BCKDHB: variants seen among roughly 807,000 people sequenced by gnomAD.
BCKDHB encodes 2-oxoisovalerate dehydrogenase subunit beta, mitochondrial.
A neutral mutation model predicts 48.5 loss-of-function variants in BCKDHB; 41 were observed. The ratio of observed to expected loss-of-function variants is 0.85; its 90% CI spans 0.66 to 1.10. BCKDHB has a LOEUF of 1.10. Ranked by LOEUF, BCKDHB falls within the 50% of genes least tolerant of loss-of-function variation. The probability of loss-of-function intolerance (pLI) is 0.00; values close to 1 mark genes in which losing one functional copy is unlikely to be tolerated. For missense variants in BCKDHB, 496 were observed against 494.2 expected (o/e 1.00, Z -0.03); for synonymous variants, 201 against 174.8 (o/e 1.15, Z -1.18).
In BCKDHB at chr6:80,168,866, G is replaced by T; in HGVS notation, c.478-9G>T. On this transcript the variant is annotated splice_polypyrimidine_tract_variant and intron_variant, in intron 4 of 9. Coordinates refer to ENST00000320393, the MANE Select transcript of BCKDHB (RefSeq NM_183050.4). The stretch of plus-strand genomic sequence containing the variant: ...TGTGCCATGCCCCGTCTTTCTTTCT[G>T]ACCCTCAGATTGTTAATGAAGCTGC... The T allele has an allele frequency of 6.2e-7, 1 of 1,613,914 alleles. No homozygotes were observed. The highest frequency in any genetic ancestry group is 1.1e-5 in the South Asian group (1 of 91,052).
At chr6:80,432,000 T>C in the BCKDHB span, among the ~76,000 whole-genome samples, 1 of 151,808 alleles carries the variant, frequency 6.6e-6, no homozygotes, top group Non-Finnish European at 1.5e-5. Flanking sequence ...TTATATTCTT[T>C]AAGAATGTTG....
At chr6:80,214,753 A>T (rs537096487) in intron 8 of BCKDHB, among the ~76,000 whole-genome samples, 1 of 152,356 alleles carries the variant, frequency 6.6e-6, no homozygotes, top group South Asian at 2.1e-4. Context: ...GGGCATTATT[A>T]TAATGTAACC....
chr6:80,264,017 T>C (rs1222063093), intron 8 of BCKDHB, among the ~76,000 whole-genome samples: 1 of 152,198 alleles, frequency 6.6e-6, no homozygotes, highest in Non-Finnish European at 1.5e-5. Context: ...TTTTTCAATT[T>C]TTTTTAGAAA....
intron 3 of BCKDHB, among the ~76,000 whole-genome samples, chr6:80,165,442 GC>G (rs980786523): frequency 2.0e-5 from 3 of 152,062 alleles, no homozygotes; most frequent in African/African-American, 7.2e-5. Context: ...CCCAACACCT[GC>G]CCCATGTTTC....
chr6:80,143,944 C>G (rs1387204465), intron 3 of BCKDHB, among the ~76,000 whole-genome samples: 1 of 152,106 alleles, frequency 6.6e-6, no homozygotes, highest in East Asian at 1.9e-4. Flanking sequence ...CCCATCTTTT[C>G]TGTTTTCTGG....
chr6:80,264,380 C>G (rs561576275), intron 8 of BCKDHB, among the ~76,000 whole-genome samples: 1 of 152,246 alleles, frequency 6.6e-6, no homozygotes, highest in Non-Finnish European at 1.5e-5. Context: ...CTGGTTTGTA[C>G]TAATATAATG....
chr6:80,321,349 C>T (rs1165830211), intron 9 of BCKDHB, among the ~76,000 whole-genome samples: 1 of 152,188 alleles, frequency 6.6e-6, no homozygotes, highest in Non-Finnish European at 1.5e-5. Context: ...TTCCTCAATT[C>T]TACTGAATAA....
intron 8 of BCKDHB, among the ~76,000 whole-genome samples, chr6:80,244,906 C>G (rs1221992444): frequency 6.6e-6 from 1 of 152,148 alleles, no homozygotes; most frequent in Non-Finnish European, 1.5e-5. Context: ...AAGACAGGAA[C>G]TTAGGATTTC....
chr6:80,333,970 A>G (rs1769445073), intron 9 of BCKDHB, among the ~76,000 whole-genome samples: 1 of 152,220 alleles, frequency 6.6e-6, no homozygotes, highest in South Asian at 2.1e-4. Context: ...TACTTTGTGA[A>G]AATAGGTATA....
At chr6:80,425,308 A>G in the BCKDHB span, among the ~76,000 whole-genome samples, 1 of 152,204 alleles carries the variant, frequency 6.6e-6, no homozygotes, top group Non-Finnish European at 1.5e-5. Context: ...AATTTATCCA[A>G]TGGTTAAGTA....
At chr6:80,238,644 A>G (rs1776246066) in intron 8 of BCKDHB, among the ~76,000 whole-genome samples, 1 of 151,862 alleles carries the variant, frequency 6.6e-6, no homozygotes, top group Non-Finnish European at 1.5e-5. Flanking sequence ...GTACATGTGC[A>G]CAACATGCAA....
At chr6:80,286,629 T>C (rs772442985) in intron 9 of BCKDHB, among the ~76,000 whole-genome samples, 1 of 152,160 alleles carries the variant, frequency 6.6e-6, no homozygotes, top group African/African-American at 2.4e-5. Flanking sequence ...TATACACATA[T>C]GGATAATTGC....
the BCKDHB span, among the ~76,000 whole-genome samples, chr6:80,428,298 G>T: frequency 6.6e-6 from 1 of 152,130 alleles, no homozygotes; most frequent in Admixed American, 6.6e-5. Context: ...TTGGTTCCAA[G>T]TCTTGCTATT....
intron 3 of BCKDHB, among the ~76,000 whole-genome samples, chr6:80,143,495 A>C (rs1192556258): frequency 1.3e-5 from 2 of 152,176 alleles, no homozygotes; most frequent in Non-Finnish European, 2.9e-5. Context: ...CATTTGCCAG[A>C]TATTTGTTGA....
chr6:80,320,206 C>G (rs1053159138), intron 9 of BCKDHB, among the ~76,000 whole-genome samples: 3 of 152,000 alleles, frequency 2.0e-5, no homozygotes, highest in Non-Finnish European at 2.9e-5. Context: ...TTATATAGTT[C>G]TGGGTTCTTG....
chr6:80,384,283 T>C, the BCKDHB span, among the ~76,000 whole-genome samples: 9 of 151,978 alleles, frequency 5.9e-5, no homozygotes, highest in African/African-American at 2.2e-4. Flanking sequence ...GCCCACAGGT[T>C]TCTCCCATGC....
In BCKDHB at chr6:80,130,763, C is replaced by A. The variant is rs80015225; in HGVS notation, c.343+1534C>A. On this transcript the variant is annotated intron_variant, in intron 3 of 9. Coordinates refer to ENST00000320393, the MANE Select transcript of BCKDHB (RefSeq NM_183050.4). The stretch of plus-strand genomic sequence containing the variant: ...ATAACTTGGAGATAACCACTGTACA[C>A]GTCTTGGTATATATACTTCTAGACT... Among the ~76,000 whole-genome samples the A allele has an allele frequency of 6.1e-4, 93 of 152,236 alleles. No homozygotes were observed. The East Asian group carries it at 0.016, about 26-fold the overall frequency.
the BCKDHB span, among the ~76,000 whole-genome samples, chr6:80,374,751 G>A: frequency 6.6e-6 from 1 of 152,168 alleles, no homozygotes; most frequent in Admixed American, 6.5e-5. Context: ...GATCCTGTGA[G>A]ATGTACGCTT....
intron 8 of BCKDHB, among the ~76,000 whole-genome samples, chr6:80,244,507 A>AT (rs1335901660): frequency 6.6e-6 from 1 of 152,158 alleles, no homozygotes; most frequent in Non-Finnish European, 1.5e-5. Context: ...AATTAGCATA[A>AT]TTTTTTTGTT....
Sources: allele counts gnomAD v4.1 joint callset (sites outside exome capture counted in the v4.1 genomes callset), GRCh38; gene constraint gnomAD v4.1.1; transcripts MANE v1.5; gene names NCBI Gene and HGNC (gene_info 2026-07-23, HGNC 2026-07-21).